The following EYS variants were observed in gnomAD, a reference collection of about 807,000 sequenced individuals.
EYS encodes the protein EGF-like photoreceptor maintenance factor.
In EYS, 250 loss-of-function variants were observed where a neutral mutation model predicts 282.1. The observed-to-expected ratio is 0.89, with a 90% CI of 0.80 to 0.98. The LOEUF is 0.98. Ranked by LOEUF, EYS falls within the 50% of genes least tolerant of loss-of-function variation. The pLI, the probability that EYS is intolerant of heterozygous loss-of-function variation, is 0.00. For missense variants in EYS, 4,016 were observed against 3,709.0 expected (o/e 1.08, Z -2.15); for synonymous variants, 1,355 against 1,282.9 (o/e 1.06, Z -1.20).
chr6:63,977,111 T>C (rs559299803), intron 35 of EYS, among the ~76,000 whole-genome samples: 1 of 151,872 alleles, frequency 6.6e-6, no homozygotes, highest in East Asian at 1.9e-4. Context: ...TGTAAAGGGC[T>C]AAATATTATT....
chr6:65,548,286 A>T (rs1411841), intron 2 of EYS, among the ~76,000 whole-genome samples: 14 of 151,982 alleles, frequency 9.2e-5, no homozygotes, highest in Admixed American at 3.3e-4. Context: ...TTTAAATTTT[A>T]GTTTGCTAAA....
chr6:63,785,895 G>T (rs1770348687), intron 39 of EYS: 1 of 152,048 alleles, frequency 6.6e-6, no homozygotes, highest in South Asian at 2.1e-4. Context: ...TCAAGTTCAT[G>T]GATAGTAGGC....
chr6:65,392,827 T>G (rs566049906), intron 7 of EYS, among the ~76,000 whole-genome samples: 230 of 151,242 alleles, frequency 1.5e-3, no homozygotes, highest in African/African-American at 5.2e-3. Flanking sequence ...ACTGGGTATA[T>G]ACCCAAAGGA....
rs1583204051 is a variant in EYS at position 64,832,149 on chromosome 6, T to C, written c.2993-9327A>G. Among the ~76,000 whole-genome samples, 3 of 152,074 alleles carry C rather than the reference T, an allele frequency of 2.0e-5. No individual in the cohort carries two copies. The East Asian group carries it at 5.8e-4, about 30-fold the overall frequency. ...TGAGGGCCCTGTGTATTAACTCTGA[T>C]TAACATGTTAAAATATTGTCAAAAC... On this transcript the variant is annotated intron_variant, in intron 19 of 42. Transcript: ENST00000503581.
intron 5 of EYS, among the ~76,000 whole-genome samples, chr6:65,405,676 GA>G (rs1210913840): frequency 2.0e-5 from 3 of 152,024 alleles, no homozygotes; most frequent in African/African-American, 7.2e-5. Context: ...CATTTCATTA[GA>G]AAGGTATGAT....
intron 22 of EYS, among the ~76,000 whole-genome samples, chr6:64,741,910 G>A (rs944788792): frequency 6.6e-6 from 1 of 152,138 alleles, no homozygotes; most frequent in Non-Finnish European, 1.5e-5. Flanking sequence ...CTTCCTAGGA[G>A]CAATGAGGCT....
At chr6:64,787,061 C>T (rs1042184326) in intron 22 of EYS, among the ~76,000 whole-genome samples, 9 of 152,174 alleles carry the variant, frequency 5.9e-5, no homozygotes, top group Non-Finnish European at 1.0e-4. Context: ...ATTTCCCTCG[C>T]GCTTTTCAAC....
chr6:64,163,664 A>G (rs1022622345), intron 31 of EYS, among the ~76,000 whole-genome samples: 1 of 152,168 alleles, frequency 6.6e-6, no homozygotes, highest in Non-Finnish European at 1.5e-5. Context: ...TTGTATAACA[A>G]AATAATATTT....
chr6:64,930,306 A>G (rs1236107327), intron 15 of EYS, among the ~76,000 whole-genome samples: 2 of 152,150 alleles, frequency 1.3e-5, no homozygotes, highest in East Asian at 3.9e-4. Flanking sequence ...CTACCTACCC[A>G]CACATATTTT....
intron 12 of EYS, among the ~76,000 whole-genome samples, chr6:65,276,976 T>C (rs1768065010): frequency 6.6e-6 from 1 of 152,228 alleles, no homozygotes; most frequent in Admixed American, 6.5e-5. Context: ...TGAAGTATTG[T>C]TAATTTTACA....
At chr6:65,488,298 C>G (rs1467271593) in intron 5 of EYS, among the ~76,000 whole-genome samples, 2 of 152,148 alleles carry the variant, frequency 1.3e-5, no homozygotes, top group East Asian at 1.9e-4. Context: ...CCTCCTTTCT[C>G]TTGTGGGCAT....
At chr6:65,403,212 G>A (rs547100448) in intron 6 of EYS, among the ~76,000 whole-genome samples, 1 of 151,956 alleles carries the variant, frequency 6.6e-6, no homozygotes, top group African/African-American at 2.4e-5. Flanking sequence ...AAGTTTTGGG[G>A]TGACTATGCA....
intron 30 of EYS, among the ~76,000 whole-genome samples, chr6:64,286,748 A>G (rs949115320): frequency 6.6e-6 from 1 of 152,136 alleles, no homozygotes; most frequent in Non-Finnish European, 1.5e-5. Context: ...GAATATTATC[A>G]CTTTACTTTT....
At chr6:65,684,324 T>C (rs1372430944) in intron 1 of EYS, among the ~76,000 whole-genome samples, 1 of 151,992 alleles carries the variant, frequency 6.6e-6, no homozygotes, top group Admixed American at 6.6e-5. Flanking sequence ...TAATGGATTA[T>C]TTGAAGGGAA....
intron 19 of EYS, among the ~76,000 whole-genome samples, chr6:64,836,937 T>C (rs1365995321): frequency 6.6e-6 from 1 of 151,686 alleles, no homozygotes; most frequent in Non-Finnish European, 1.5e-5. Flanking sequence ...ACATTAATTA[T>C]AGTATAGCCT....
chr6:64,194,803 T>C (rs1765231348), intron 31 of EYS, among the ~76,000 whole-genome samples: 1 of 152,106 alleles, frequency 6.6e-6, no homozygotes, highest in Non-Finnish European at 1.5e-5. Context: ...TTTCTAATTG[T>C]TCTGTGAAAT....
At chr6:64,506,669 T>C (rs1210144205) in intron 26 of EYS, among the ~76,000 whole-genome samples, 1 of 152,016 alleles carries the variant, frequency 6.6e-6, no homozygotes, top group African/African-American at 2.4e-5. Flanking sequence ...TCCCAGCACG[T>C]TGGGAGGCCG....
chr6:64,379,848 G>T (rs988539490), intron 29 of EYS: 1 of 152,036 alleles, frequency 6.6e-6, no homozygotes, highest in Non-Finnish European at 1.5e-5. Context: ...TAGAATCATC[G>T]TGAACTGGAA....
At position 63,885,943 on chromosome 6, in the gene EYS, T is replaced by G. The variant is rs1044490259; in HGVS notation, c.7056-21585A>C. 5.9e-5 allele frequency among the ~76,000 whole-genome samples: 9 copies of G among 152,332 alleles called. No individual in the cohort carries two copies. In the East Asian group the frequency reaches 7.7e-4, roughly 13 times the overall value. Reference sequence around the variant, plus strand: ...TAGTTAATATCAAATAAGTATTTGTTGAACAATAAACGACTGACTGACAGT... The same window carrying G: ...TAGTTAATATCAAATAAGTATTTGTGGAACAATAAACGACTGACTGACAGT... On this transcript the variant is annotated intron_variant, in intron 35 of 42. Transcript: ENST00000503581.
Sources: allele counts gnomAD v4.1 joint callset (sites outside exome capture counted in the v4.1 genomes callset), GRCh38; gene constraint gnomAD v4.1.1; transcripts MANE v1.5; gene names NCBI Gene and HGNC (gene_info 2026-07-23, HGNC 2026-07-21).